HS6ST2: variants seen among roughly 807,000 people sequenced by gnomAD.
HS6ST2 encodes heparan sulfate 6-O-sulfotransferase 2.
Under a neutral mutation model 33.0 loss-of-function variants are expected in HS6ST2, and 17 were observed. That is an observed-to-expected ratio of 0.52 (90% CI 0.35 to 0.77). The LOEUF (loss-of-function observed/expected upper bound fraction) is 0.77. HS6ST2 is among the 30% of genes least tolerant of loss of function. The probability of loss-of-function intolerance (pLI) is 0.01; values close to 1 mark genes in which losing one functional copy is unlikely to be tolerated. For synonymous variants in HS6ST2, 248 were observed against 237.1 expected (o/e 1.05, Z -0.42); for missense variants, 519 against 551.7 (o/e 0.94, Z 0.59).
chrX:132,749,819 G>A (rs1429175671), intron 2 of HS6ST2, among the ~76,000 whole-genome samples: 2 of 111,321 alleles, frequency 1.8e-5, no homozygotes, highest in African/African-American at 6.5e-5. Flanking sequence ...ACAGTTGCTT[G>A]GCTGTAAATA....
chrX:132,674,265 A>G (rs757191137), intron 3 of HS6ST2, among the ~76,000 whole-genome samples: 19 of 112,043 alleles, frequency 1.7e-4, no homozygotes, highest in Non-Finnish European at 3.8e-5. Context: ...ATCTCTCAGA[A>G]GCAGCCTCAT....
At chrX:132,829,035 C>G (rs895856498) in intron 2 of HS6ST2, among the ~76,000 whole-genome samples, 1 of 103,312 alleles carries the variant, frequency 9.7e-6, no homozygotes, top group Non-Finnish European at 2.0e-5. Flanking sequence ...CGAGTAGATT[C>G]ATGTTAATAT....
intron 2 of HS6ST2, among the ~76,000 whole-genome samples, chrX:132,810,638 G>C (rs1214730869): frequency 9.0e-6 from 1 of 110,866 alleles, no homozygotes; most frequent in East Asian, 2.8e-4. Context: ...CATGTAACTT[G>C]CTTTGGCCAA....
chrX:132,714,364 G>C (rs1454786189), intron 2 of HS6ST2, among the ~76,000 whole-genome samples: 2 of 110,688 alleles, frequency 1.8e-5, no homozygotes, highest in East Asian at 5.7e-4. Flanking sequence ...TGCCCAGGCT[G>C]TGCAGCGGCA....
chrX:132,884,091 C>T (rs940762947), intron 2 of HS6ST2, among the ~76,000 whole-genome samples: 1 of 111,045 alleles, frequency 9.0e-6, no homozygotes, highest in Non-Finnish European at 1.9e-5. Context: ...CTCTGACTTC[C>T]GAGTGAATGG....
intron 2 of HS6ST2, among the ~76,000 whole-genome samples, chrX:132,849,495 C>G (rs937863974): frequency 8.9e-6 from 1 of 111,954 alleles, no homozygotes. Context: ...CTGGGAAACA[C>G]TGTACTGCAA....
intron 4 of HS6ST2, among the ~76,000 whole-genome samples, chrX:132,668,784 T>A (rs1297297030): frequency 1.8e-5 from 2 of 111,665 alleles, no homozygotes; most frequent in Non-Finnish European, 3.8e-5. Context: ...CTGCTGCTGC[T>A]GCTTTAATTC....
intron 4 of HS6ST2, among the ~76,000 whole-genome samples, chrX:132,660,111 C>T (rs868048466): frequency 1.2e-4 from 13 of 111,245 alleles, no homozygotes; most frequent in African/African-American, 2.9e-4. Context: ...TAAAATAATA[C>T]GTCTTTTACT....
intron 2 of HS6ST2, among the ~76,000 whole-genome samples, chrX:132,832,700 A>T (rs2065601951): frequency 8.9e-6 from 1 of 111,825 alleles, no homozygotes; most frequent in Non-Finnish European, 1.9e-5. Flanking sequence ...ACAGAAGAAA[A>T]ATCAGTCCCA....
intron 3 of HS6ST2, among the ~76,000 whole-genome samples, chrX:132,696,727 G>T (rs2064107555): frequency 9.6e-6 from 1 of 104,582 alleles, no homozygotes; most frequent in African/African-American, 3.5e-5. Flanking sequence ...CAGTACCTCA[G>T]CTCCAAACTT....
chrX:132,717,089 T>C (rs2064281461), intron 2 of HS6ST2, among the ~76,000 whole-genome samples: 1 of 113,122 alleles, frequency 8.8e-6, no homozygotes, highest in Non-Finnish European at 1.9e-5. Context: ...AGGATCAAGA[T>C]AATTCTCAGG....
At chrX:132,631,818 C>A (rs1251586686) in intron 4 of HS6ST2, among the ~76,000 whole-genome samples, 1 of 111,117 alleles carries the variant, frequency 9.0e-6, no homozygotes, top group Non-Finnish European at 1.9e-5. Flanking sequence ...TAAGAGTGCA[C>A]CACAGTGGAA....
intron 2 of HS6ST2, among the ~76,000 whole-genome samples, chrX:132,711,069 G>A (rs2064227579): frequency 1.8e-5 from 2 of 111,834 alleles, no homozygotes; most frequent in Non-Finnish European, 1.9e-5. Context: ...ACCTTCCTCT[G>A]AGCCAGGTTC....
At chrX:132,855,526 G>C (rs2065845478) in intron 2 of HS6ST2, among the ~76,000 whole-genome samples, 1 of 112,254 alleles carries the variant, frequency 8.9e-6, no homozygotes, top group African/African-American at 3.2e-5. Flanking sequence ...AACTGATTCA[G>C]TAAAGTGGCA....
At chrX:132,722,398 G>A (rs2064341715) in intron 2 of HS6ST2, among the ~76,000 whole-genome samples, 1 of 111,198 alleles carries the variant, frequency 9.0e-6, no homozygotes, top group Non-Finnish European at 1.9e-5. Flanking sequence ...GGGTTTTTAA[G>A]GACAGTTAAA....
chrX:132,906,195 T>C (rs1387997193), intron 2 of HS6ST2, among the ~76,000 whole-genome samples: 1 of 112,668 alleles, frequency 8.9e-6, no homozygotes, highest in Non-Finnish European at 1.9e-5. Context: ...TGTTGAATGC[T>C]TCTCAATAAA....
intron 2 of HS6ST2, among the ~76,000 whole-genome samples, chrX:132,878,849 C>T (rs1056162659): frequency 3.6e-5 from 4 of 111,275 alleles, no homozygotes; most frequent in Non-Finnish European, 5.6e-5. Context: ...TAGAGCACCA[C>T]AAAACGCTTC....
chrX:132,881,676 G>A (rs2066175743), intron 2 of HS6ST2, among the ~76,000 whole-genome samples: 1 of 111,693 alleles, frequency 9.0e-6, no homozygotes, highest in African/African-American at 3.3e-5. Context: ...TGCTTTTGGT[G>A]TTTTAGTCAT....
chrX:132,900,815 T>G (rs892419069), intron 2 of HS6ST2, among the ~76,000 whole-genome samples: 3 of 111,234 alleles, frequency 2.7e-5, no homozygotes, highest in African/African-American at 9.8e-5. Context: ...CATTGTGTAA[T>G]ACCTGCCCTT....
Sources: gnomAD v4.1 joint callset for allele counts (sites outside exome capture counted in the v4.1 genomes callset) on GRCh38, gnomAD v4.1.1 for gene constraint, MANE v1.5 for transcripts, NCBI Gene and HGNC (gene_info 2026-07-23, HGNC 2026-07-21) for gene names.